The following HPGD variants were observed in gnomAD, a reference collection of about 807,000 sequenced individuals.
HPGD encodes 15-hydroxyprostaglandin dehydrogenase.
Under a neutral mutation model 30.0 loss-of-function variants are expected in HPGD, and 29 were observed. The ratio of observed to expected loss-of-function variants is 0.97; its 90% CI spans 0.72 to 1.32. The LOEUF (loss-of-function observed/expected upper bound fraction) is 1.32, where lower values mean the gene tolerates loss of function less well. Among genes scored for constraint, HPGD ranks in the 40% most tolerant of loss-of-function variants. HPGD has a pLI of 0.00. For synonymous variants in HPGD, 99 were observed against 112.4 expected (o/e 0.88, Z 0.75); for missense variants, 340 against 322.1 (o/e 1.06, Z -0.43).
intron 4 of HPGD, among the ~76,000 whole-genome samples, chr4:174,499,171 C>T (rs571282532): frequency 7.2e-5 from 11 of 152,202 alleles, no homozygotes; most frequent in African/African-American, 1.7e-4. Context: ...TAAGTGTGCA[C>T]GGTATGACTC....
At chr4:174,501,412 T>C (rs1560979177) in intron 4 of HPGD, among the ~76,000 whole-genome samples, 1 of 152,178 alleles carries the variant, frequency 6.6e-6, no homozygotes. Context: ...TTGTTTAACA[T>C]TGTGAGAAAT....
intron 3 of HPGD, among the ~76,000 whole-genome samples, chr4:174,514,118 C>A (rs527408181): frequency 6.6e-6 from 1 of 151,988 alleles, no homozygotes; most frequent in East Asian, 1.9e-4. Context: ...AGCACAAATA[C>A]TAAATTAGGA....
intron 2 of HPGD, among the ~76,000 whole-genome samples, chr4:174,521,651 T>G (rs1215193861): frequency 6.6e-6 from 1 of 152,254 alleles, no homozygotes; most frequent in Non-Finnish European, 1.5e-5. Flanking sequence ...AATCATTTAA[T>G]AATTACTGCA....
chr4:174,508,672 AT>A, intron 4 of HPGD, 23 bp downstream of exon 4: 1 of 1,292,652 alleles, frequency 7.7e-7, no homozygotes, highest in Non-Finnish European at 1.1e-6. Flanking sequence ...AAAATGTTAC[AT>A]TTAATGTAAT....
At chr4:174,515,584 A>G (rs943770212) in intron 3 of HPGD, among the ~76,000 whole-genome samples, 13 of 147,964 alleles carry the variant, frequency 8.8e-5, no homozygotes, top group African/African-American at 2.8e-4. Context: ...CTCATGATGA[A>G]GTCTCCAAAA....
At chr4:174,504,521 A>C (rs557967572) in intron 4 of HPGD, among the ~76,000 whole-genome samples, 1 of 152,126 alleles carries the variant, frequency 6.6e-6, no homozygotes, top group South Asian at 2.1e-4. Context: ...CCACAATCTG[A>C]AGCAATTAAA....
rs1434612118 is a variant in HPGD at position 174,495,598 on chromosome 4, C to T, written c.448G>A (p.Val150Ile). 1 of 1,613,774 alleles carries T rather than the reference C, an allele frequency of 6.2e-7. No individual in the cohort carries two copies. The highest frequency in any genetic ancestry group is 1.7e-5 in the Admixed American group (1 of 59,980). ...AGLMPVAQQP[V>I]YCASKHGIVG... Reference sequence around the variant, plus strand: ...ATGCCATGCTTTGAAGCACAATAAACCGGCTGCTGTGCAACGGGCATGAGT... The same window carrying T: ...ATGCCATGCTTTGAAGCACAATAAATCGGCTGCTGTGCAACGGGCATGAGT... The change falls in exon 5 of 7, where the codon GTT becomes ATT. Residue 150 changes from valine (V) to isoleucine (I), a missense_variant. By Grantham distance (29) the Val-to-Ile change is conservative. Transcript: ENST00000296522.
At chr4:174,520,288 T>C (rs1056194764) in intron 2 of HPGD, among the ~76,000 whole-genome samples, 9 of 152,246 alleles carry the variant, frequency 5.9e-5, no homozygotes, top group Non-Finnish European at 8.8e-5. Flanking sequence ...CTGACATTTA[T>C]ATGCTATGGT....
intron 3 of HPGD, among the ~76,000 whole-genome samples, chr4:174,513,077 A>C (rs45507291): frequency 3.0e-4 from 45 of 152,306 alleles, no homozygotes; most frequent in African/African-American, 1.0e-3. Context: ...ACTGTTTCTG[A>C]CAGCTGATTT....
rs1560989428 is a variant in HPGD, at chr4:174,518,039, C to T, written c.256G>A (p.Asp86Asn). Residue 86 changes from aspartate (D) to asparagine (N), a missense_variant, in exon 3 of 7, where the codon GAC becomes AAC. By Grantham distance (23) the Asp-to-Asn change is conservative (BLOSUM62 1). Transcript: ENST00000296522. The part of the protein sequence containing the change: ...RKVVDHFGRL[D>N]ILVNNAGVNN... ...ACTCCAGCATTATTGACCAAAATGT[C>T]CAGTCTTCCAAAGTGGTCTACAACT... 1 of 1,604,408 alleles carries T rather than the reference C, an allele frequency of 6.2e-7. No individual in the cohort carries two copies. The highest frequency in any genetic ancestry group is 1.1e-5 in the South Asian group (1 of 90,784).
intron 3 of HPGD, 115 bp downstream of exon 3, chr4:174,517,856 T>C: frequency 1.6e-6 from 1 of 615,958 alleles, no homozygotes; most frequent in Non-Finnish European, 2.9e-6. Flanking sequence ...GTAACTTCCC[T>C]TTTTCAATAT....
At chr4:174,499,736 T>C in intron 4 of HPGD, among the ~76,000 whole-genome samples, 1 of 152,168 alleles carries the variant, frequency 6.6e-6, no homozygotes, top group Non-Finnish European at 1.5e-5. Flanking sequence ...CCTTGAAACA[T>C]TTCCTCCTCC....
intron 4 of HPGD, among the ~76,000 whole-genome samples, chr4:174,504,978 C>G (rs1325179555): frequency 6.6e-6 from 1 of 152,072 alleles, no homozygotes; most frequent in East Asian, 1.9e-4. Context: ...ATGGATGTGG[C>G]AAAATTAGTG....
intron 3 of HPGD, among the ~76,000 whole-genome samples, chr4:174,512,770 A>G (rs1481080461): frequency 1.3e-5 from 2 of 152,204 alleles, no homozygotes; most frequent in African/African-American, 2.4e-5. Context: ...GTGAAGCTGA[A>G]AAGTGGCCTA....
At chr4:174,497,304 C>G (rs1242195276) in intron 4 of HPGD, among the ~76,000 whole-genome samples, 1 of 152,132 alleles carries the variant, frequency 6.6e-6, no homozygotes, top group East Asian at 1.9e-4. Flanking sequence ...AGATGATGAA[C>G]TTTGGAACCC....
At chr4:174,502,674 T>C (rs1371454845) in intron 4 of HPGD, among the ~76,000 whole-genome samples, 2 of 21,402 alleles carry the variant, frequency 9.3e-5, no homozygotes, top group Non-Finnish European at 2.7e-4. Flanking sequence ...CGAGACTCCG[T>C]CTCAAAAAAA....
In HPGD at chr4:174,500,041, G is replaced by C. The variant is rs527330980; in HGVS notation, c.422-4417C>G. Among the ~76,000 whole-genome samples, 5 of 152,098 alleles carry C rather than the reference G, an allele frequency of 3.3e-5. No homozygotes were observed. The South Asian group carries it at 6.2e-4, about 19-fold the overall frequency. On this transcript the variant is annotated intron_variant, in intron 4 of 6. Transcript: ENST00000296522. ...TTACTCTGCCTTGAACTCTAGAGAG[G>C]GAGCCTTGGGTTACTTCTTGTAATA... is the stretch of plus-strand genomic sequence containing the variant.
chr4:174,499,017 C>T (rs17060547), intron 4 of HPGD, among the ~76,000 whole-genome samples: 9,495 of 152,212 alleles, frequency 0.062, 466 homozygotes, highest in African/African-American at 0.13. Context: ...ATTATTGCTA[C>T]TGTGGTGTAG....
At chr4:174,522,524 TGCGC>T, upstream of HPGD, 2 of 1,179,792 alleles carry the variant, frequency 1.7e-6, no homozygotes, top group Non-Finnish European at 2.3e-6. Flanking sequence ...TATGCCCCCC[TGCGC>T]GCGCGCGCGT....
Sources: gnomAD v4.1 joint callset for allele counts (sites outside exome capture counted in the v4.1 genomes callset) on GRCh38, gnomAD v4.1.1 for gene constraint, MANE v1.5 for transcripts, NCBI Gene and HGNC (gene_info 2026-07-23, HGNC 2026-07-21) for gene names.